The following ARHGAP22 variants were observed in gnomAD, a reference collection of about 807,000 sequenced individuals.
ARHGAP22 encodes Rho GTPase activating protein 22.
ARHGAP22 carries 48 observed loss-of-function variants against 59.1 expected under a neutral mutation model. That is an observed-to-expected ratio of 0.81 (90% confidence interval 0.64 to 1.03). The LOEUF is 1.03. Among genes scored for constraint, ARHGAP22 ranks in the 50% least tolerant of loss-of-function variants. The pLI is 0.00. For synonymous variants in ARHGAP22, 445 were observed against 416.4 expected, an observed-to-expected ratio of 1.07 and a Z score of -0.84; for missense variants, 1,015 against 958.7, an observed-to-expected ratio of 1.06 and a Z score of -0.78.
chr10:48,485,700 C>T (rs140691228), intron 3 of ARHGAP22, among the ~76,000 whole-genome samples: 1 of 152,300 alleles, frequency 6.6e-6, no homozygotes, highest in African/African-American at 2.4e-5. Flanking sequence ...ATATTTAGGA[C>T]TGTTATGTCC....
chr10:48,589,682 C>T (rs1013527179), intron 1 of ARHGAP22, among the ~76,000 whole-genome samples: 4 of 152,192 alleles, frequency 2.6e-5, no homozygotes, highest in African/African-American at 9.7e-5. Flanking sequence ...AAGATTCTCT[C>T]AGTGCATTCT....
intron 3 of ARHGAP22, among the ~76,000 whole-genome samples, chr10:48,499,744 T>C (rs1397357383): frequency 6.6e-6 from 1 of 152,236 alleles, no homozygotes; most frequent in Non-Finnish European, 1.5e-5. Context: ...AAACCCATCA[T>C]AATCAATAAA....
chr10:48,435,122 TG>T, the ARHGAP22 span: 13 of 996,542 alleles, frequency 1.3e-5, no homozygotes, highest in Non-Finnish European at 1.7e-5. Flanking sequence ...TATTTTTGGG[TG>T]ATTTTTCAAA....
At chr10:48,559,648 T>C (rs1007542477) in intron 2 of ARHGAP22, among the ~76,000 whole-genome samples, 4 of 152,260 alleles carry the variant, frequency 2.6e-5, no homozygotes, top group Non-Finnish European at 1.5e-5. Context: ...GAGAATCTTA[T>C]GACATATTTA....
intron 3 of ARHGAP22, among the ~76,000 whole-genome samples, chr10:48,538,824 C>A (rs1451456672): frequency 6.6e-6 from 1 of 152,156 alleles, no homozygotes; most frequent in African/African-American, 2.4e-5. Flanking sequence ...GGAATTTGCT[C>A]CAGGTGACAC....
intron 2 of ARHGAP22, among the ~76,000 whole-genome samples, chr10:48,571,237 C>T (rs1368548544): frequency 2.0e-5 from 3 of 152,152 alleles, no homozygotes; most frequent in Non-Finnish European, 4.4e-5. Flanking sequence ...GTAGACCACT[C>T]CATCAGAATG....
At chr10:48,485,139 C>A (rs2049724506) in intron 3 of ARHGAP22, among the ~76,000 whole-genome samples, 2 of 152,282 alleles carry the variant, frequency 1.3e-5, no homozygotes, top group Middle Eastern at 6.8e-3. Context: ...TGTAGGTTGC[C>A]GACTTGGGTC....
At chr10:48,560,020 C>T (rs1049620495) in intron 2 of ARHGAP22, among the ~76,000 whole-genome samples, 1 of 152,170 alleles carries the variant, frequency 6.6e-6, no homozygotes, top group Non-Finnish European at 1.5e-5. Flanking sequence ...AAAGATATGC[C>T]TGTCCTAATC....
chr10:48,588,223 T>C (rs549737528), intron 1 of ARHGAP22, among the ~76,000 whole-genome samples: 1 of 152,064 alleles, frequency 6.6e-6, no homozygotes, highest in African/African-American at 2.4e-5. Flanking sequence ...GGGTGGTCTC[T>C]ACTTCAGTAG....
chr10:48,616,561 A>C (rs1362203908), intron 1 of ARHGAP22, among the ~76,000 whole-genome samples: 1 of 152,188 alleles, frequency 6.6e-6, no homozygotes, highest in Admixed American at 6.5e-5. Flanking sequence ...GTCAAAAGCC[A>C]GCGTCAGGGA....
At chr10:48,565,643 C>CA (rs976711607) in intron 2 of ARHGAP22, among the ~76,000 whole-genome samples, 1 of 152,172 alleles carries the variant, frequency 6.6e-6, no homozygotes, top group African/African-American at 2.4e-5. Flanking sequence ...AGAACACAGA[C>CA]AGGTGTGTTC....
At chr10:48,478,118 A>G (rs1262861895) in intron 4 of ARHGAP22, among the ~76,000 whole-genome samples, 1 of 152,194 alleles carries the variant, frequency 6.6e-6, no homozygotes, top group Non-Finnish European at 1.5e-5. Flanking sequence ...CAACTATGTA[A>G]GATTCTGCTT....
intron 1 of ARHGAP22, among the ~76,000 whole-genome samples, chr10:48,601,488 AT>A (rs1482913436): frequency 6.6e-6 from 1 of 152,148 alleles, no homozygotes; most frequent in African/African-American, 2.4e-5. Flanking sequence ...TCCAGATAGT[AT>A]TTATTTATTA....
chr10:48,630,945 A>C (rs1200865560), intron 1 of ARHGAP22, among the ~76,000 whole-genome samples: 1 of 152,228 alleles, frequency 6.6e-6, no homozygotes, highest in Non-Finnish European at 1.5e-5. Flanking sequence ...AAGTTGAGGA[A>C]GTTACCTCTA....
chr10:48,537,220 T>C lies in ARHGAP22; in HGVS notation c.322+18243A>G, dbSNP rs533294822. Among the ~76,000 whole-genome samples the C allele has an allele frequency of 1.2e-4, 18 of 152,354 alleles. No homozygotes were observed. The East Asian group carries it at 1.5e-3, about 13-fold the overall frequency. On this transcript the variant is annotated intron_variant, in intron 3 of 9. Transcript: ENST00000249601. ...CTTGCGGGGTGGCTGGTCTTGCAGCTCTGCTCTGGTGCATCAGCCAGAGGG... is the reference window on the plus strand; with the variant it reads ...CTTGCGGGGTGGCTGGTCTTGCAGCCCTGCTCTGGTGCATCAGCCAGAGGG...
upstream of ARHGAP22, among the ~76,000 whole-genome samples, chr10:48,653,498 G>C (rs1057072254): frequency 6.6e-6 from 1 of 152,270 alleles, no homozygotes; most frequent in African/African-American, 2.4e-5. Context: ...GTTCTCAGAA[G>C]GGAGCGCTGG....
At chr10:48,456,118 T>C (rs2046476751) in intron 5 of ARHGAP22, among the ~76,000 whole-genome samples, 1 of 152,206 alleles carries the variant, frequency 6.6e-6, no homozygotes, top group East Asian at 1.9e-4. Flanking sequence ...TTCCAAGCCG[T>C]ATATGGGCCC....
chr10:48,476,140 G>C (rs563819827), intron 4 of ARHGAP22, among the ~76,000 whole-genome samples: 1 of 152,340 alleles, frequency 6.6e-6, no homozygotes, highest in African/African-American at 2.4e-5. Flanking sequence ...CATGAGGCCA[G>C]TGCCTGTCCC....
At chr10:48,617,551 C>T (rs912203569) in intron 1 of ARHGAP22, among the ~76,000 whole-genome samples, 1 of 151,946 alleles carries the variant, frequency 6.6e-6, no homozygotes, top group Non-Finnish European at 1.5e-5. Context: ...ATAAGAGGAG[C>T]TTTCAAAATC....
Sources: allele counts gnomAD v4.1 joint callset (sites outside exome capture counted in the v4.1 genomes callset), GRCh38; gene constraint gnomAD v4.1.1; transcripts MANE v1.5; gene names NCBI Gene and HGNC (gene_info 2026-07-23, HGNC 2026-07-21).